Variants in ACSF3 observed in about 807,000 individuals in gnomAD.
ACSF3 encodes the protein malonate--CoA ligase ACSF3, mitochondrial.
ACSF3 carries 78 observed loss-of-function variants against 53.2 expected under a neutral mutation model. The ratio of observed to expected loss-of-function variants is 1.47; its 90% confidence interval spans 1.22 to 1.77. ACSF3 has a LOEUF of 1.77. Among genes scored for constraint, ACSF3 ranks in the 40% most tolerant of loss-of-function variants. The probability of loss-of-function intolerance (pLI) is 0.00; values close to 1 mark genes in which losing one functional copy is unlikely to be tolerated. For missense variants in ACSF3, 937 were observed against 771.1 expected, an observed-to-expected ratio of 1.22 and a Z score of -2.55; for synonymous variants, 414 against 333.1, an observed-to-expected ratio of 1.24 and a Z score of -2.65.
chr16:89,141,044 CT>C, intron 8 of ACSF3: 1 of 1,255,270 alleles, frequency 8.0e-7, no homozygotes, highest in Non-Finnish European at 1.0e-6. Context: ...GGTTATTTAA[CT>C]TGTTTGACTT....
intron 6 of ACSF3, among the ~76,000 whole-genome samples, chr16:89,115,511 A>G (rs1402004860): frequency 6.6e-6 from 1 of 152,172 alleles, no homozygotes; most frequent in Admixed American, 6.5e-5. Context: ...TTCCCTGCTG[A>G]GTGGCATCCG....
intron 4 of ACSF3, among the ~76,000 whole-genome samples, chr16:89,104,636 C>A (rs1282339055): frequency 2.6e-5 from 4 of 152,168 alleles, no homozygotes; most frequent in African/African-American, 7.2e-5. Flanking sequence ...GCTGAGAGGC[C>A]CATCCTCTTC....
At chr16:89,123,946 C>G (rs572855217) in intron 7 of ACSF3, among the ~76,000 whole-genome samples, 1 of 152,100 alleles carries the variant, frequency 6.6e-6, no homozygotes, top group Non-Finnish European at 1.5e-5. Context: ...CACAGATACA[C>G]GCAGTGTGCA....
At chr16:89,103,287 C>A (rs954264521) in intron 4 of ACSF3, among the ~76,000 whole-genome samples, 1 of 152,204 alleles carries the variant, frequency 6.6e-6, no homozygotes, top group African/African-American at 2.4e-5. Context: ...TAAAATAATG[C>A]GAGTTTGTTC....
At chr16:89,096,489 A>G (rs1007161566) in intron 1 of ACSF3, among the ~76,000 whole-genome samples, 1 of 152,024 alleles carries the variant, frequency 6.6e-6, no homozygotes, top group Non-Finnish European at 1.5e-5. Context: ...TGAAGATTCA[A>G]CCTCTGTGCT....
chr16:89,154,674 C>A lies in ACSF3; in HGVS notation c.*467C>A. On this transcript the variant is annotated 3_prime_UTR_variant, in exon 11 of 11. Transcript: ENST00000614302. The stretch of plus-strand genomic sequence containing the variant: ...CCACATAGGAGGTCTGGGCAGCCAC[C>A]CAGGGGGCCCTCCTGGGAGGAGCTG... 2.2e-6 allele frequency: 1 copy of A among 454,106 alleles called. No homozygotes were observed. The highest frequency in any genetic ancestry group is 4.4e-6 in the Non-Finnish European group (1 of 226,874). 28.1% of individuals were successfully genotyped at this position (454,106 alleles called of 1,614,324 possible).
intron 6 of ACSF3, among the ~76,000 whole-genome samples, chr16:89,118,094 C>T (rs1261303942): frequency 6.7e-6 from 1 of 149,746 alleles, no homozygotes; most frequent in East Asian, 2.0e-4. Context: ...GCTCTCTCTT[C>T]TCTAAGGCAG....
chr16:89,134,298 C>T (rs1026164834), intron 8 of ACSF3, among the ~76,000 whole-genome samples: 3 of 152,118 alleles, frequency 2.0e-5, no homozygotes, highest in Admixed American at 6.5e-5. Flanking sequence ...TATTAGAAGC[C>T]GTGGGCCACA....
Position 89,155,797 on chromosome 16 carries a change from A to C in ACSF3, c.*1590A>C. ...TTGCATCTCTCTCCTTTAATCCTGAAACTTTTGATTCCTAAAAAGCTTACA... is the reference window on the plus strand; with the variant it reads ...TTGCATCTCTCTCCTTTAATCCTGACACTTTTGATTCCTAAAAAGCTTACA... On this transcript the variant is annotated 3_prime_UTR_variant, in exon 11 of 11. Transcript: ENST00000614302. The C allele has an allele frequency of 2.2e-6, 1 of 453,742 alleles. No individual in the cohort carries two copies. Among genetic ancestry groups the C allele is most frequent in the Non-Finnish European group, 4.4e-6 (1 of 226,680 alleles). 28.1% of individuals were successfully genotyped at this position (453,742 alleles called of 1,614,324 possible).
chr16:89,103,209 G>A (rs1975575753), intron 4 of ACSF3, among the ~76,000 whole-genome samples: 1 of 152,268 alleles, frequency 6.6e-6, no homozygotes, highest in Non-Finnish European at 1.5e-5. Context: ...TGGATGAGCG[G>A]AGGTGACTGT....
intron 4 of ACSF3, among the ~76,000 whole-genome samples, chr16:89,107,128 G>A (rs1567694158): frequency 6.6e-6 from 1 of 152,234 alleles, no homozygotes; most frequent in Non-Finnish European, 1.5e-5. Context: ...GCACTTGCTA[G>A]TTAGTCAAAT....
chr16:89,124,386 CTG>C (rs1244007324), intron 7 of ACSF3, among the ~76,000 whole-genome samples: 2 of 118,350 alleles, frequency 1.7e-5, no homozygotes, highest in African/African-American at 3.1e-5. Flanking sequence ...TGTGTGATAC[CTG>C]TGTGTGCACT....
At position 89,102,585 on chromosome 16, in the gene ACSF3, G is replaced by A. The variant is rs560458501; in HGVS notation, c.667-19G>A. ...CACAGTCTTGCTCTTGCTCTCAGCT[G>A]TGCTCTCGTCCCCTGCAGGTGACCG... On this transcript the variant is annotated intron_variant, in intron 3 of 10. Coordinates refer to ENST00000614302, the MANE Select transcript of ACSF3 (RefSeq NM_001243279.3). 4.3e-6 allele frequency: 7 copies of A among 1,613,090 alleles called. No individual in the cohort carries two copies. In the South Asian group the frequency reaches 5.5e-5, roughly 13 times the overall value.
chr16:89,149,875 G>T (rs531656575), intron 10 of ACSF3: 2 of 152,366 alleles, frequency 1.3e-5, no homozygotes, highest in African/African-American at 4.8e-5. Flanking sequence ...GTTTCAGGCT[G>T]TTTTTGGCTT....
At chr16:89,102,494 C>T in intron 3 of ACSF3, 110 bp from the exon 4 acceptor site, 6 of 1,315,510 alleles carry the variant, frequency 4.6e-6, no homozygotes, top group Non-Finnish European at 5.4e-6. Flanking sequence ...TCTCCTTCCC[C>T]TTCCTCAGTG....
At position 89,102,709 on chromosome 16, in the gene ACSF3, C is replaced by T; in HGVS notation, c.772C>T (p.Leu258Phe). 1 of 1,613,552 alleles carries T rather than the reference C, an allele frequency of 6.2e-7. No individual in the cohort carries two copies. Among genetic ancestry groups the T allele is most frequent in the Non-Finnish European group, 8.5e-7 (1 of 1,180,040 alleles). The change falls in exon 4 of 11, where the codon CTC (leucine) becomes TTC (phenylalanine). Residue 258 changes from leucine to phenylalanine, a missense_variant. By Grantham distance (22) the Leu-to-Phe change is conservative. Coordinates refer to ENST00000614302, the MANE Select transcript of ACSF3 (RefSeq NM_001243279.3). ...TGTGGTCAACGCGCTGCTCTGTCCT[C>T]TCTGGGTGGGAGCCACCTGTGTGAT... ...HGVVNALLCP[L>F]WVGATCVMMP...
intron 8 of ACSF3, among the ~76,000 whole-genome samples, chr16:89,141,518 G>C (rs575899413): frequency 6.6e-6 from 1 of 152,246 alleles, no homozygotes; most frequent in Admixed American, 6.5e-5. Context: ...TGTGCAGCAG[G>C]ATGGACCCTG....
At chr16:89,118,803 G>A (rs1303927801) in intron 6 of ACSF3, among the ~76,000 whole-genome samples, 1 of 152,180 alleles carries the variant, frequency 6.6e-6, no homozygotes, top group Non-Finnish European at 1.5e-5. Context: ...CCCAGTCAGA[G>A]TTATCAGGGA....
rs899144976 is a variant in ACSF3, at chr16:89,114,411, C to G, written c.1050C>G (p.Thr350=). Residue 350 remains threonine (T), a synonymous_variant, in exon 6 of 11, where the codon ACC becomes ACG. Coordinates refer to ENST00000614302, the MANE Select transcript of ACSF3 (RefSeq NM_001243279.3). ...AGTGGAAGAACATCACGGGCCACACCCTGCTGGAGCGGTATGGCATGACCG... is the reference window on the plus strand; with the variant it reads ...AGTGGAAGAACATCACGGGCCACACGCTGCTGGAGCGGTATGGCATGACCG... ...LEKWKNITGH[T]LLERYGMTEI... is the part of the protein sequence containing the mutation. The G allele has an allele frequency of 4.4e-5, 71 of 1,613,920 alleles. No homozygotes were observed. Among genetic ancestry groups the G allele is most frequent in the Non-Finnish European group, 5.9e-5 (70 of 1,180,046 alleles).
Sources: gnomAD v4.1 joint callset for allele counts (sites outside exome capture counted in the v4.1 genomes callset) on GRCh38, gnomAD v4.1.1 for gene constraint, MANE v1.5 for transcripts, NCBI Gene and HGNC (gene_info 2026-07-23, HGNC 2026-07-21) for gene names.